The following FBXL19 variants were observed in gnomAD, a reference collection of about 807,000 sequenced individuals.
FBXL19 encodes the protein F-box/LRR-repeat protein 19.
FBXL19 carries 16 observed loss-of-function variants against 71.2 expected under a neutral mutation model. That is an observed-to-expected ratio of 0.22 (90% CI 0.15 to 0.34). The LOEUF (loss-of-function observed/expected upper bound fraction) is 0.34. Among genes scored for constraint, FBXL19 ranks in the 10% least tolerant of loss-of-function variants. The pLI, the probability that FBXL19 is intolerant of heterozygous loss-of-function variation, is 1.00. For synonymous variants in FBXL19, 447 were observed against 409.4 expected, an observed-to-expected ratio of 1.09 and a Z score of -1.11; for missense variants, 658 against 968.2, an observed-to-expected ratio of 0.68 and a Z score of 4.25.
In FBXL19 at chr16:30,923,996, T is replaced by TG. The variant is rs1278301017; in HGVS notation, c.-480dup. 2.1e-4 allele frequency: 19 copies of TG among 91,900 alleles called. No homozygotes were observed. The highest frequency in any genetic ancestry group is 3.9e-4 in the South Asian group (1 of 2,540). 5.7% of individuals were successfully genotyped at this position (91,900 alleles called of 1,614,324 possible). On this transcript the variant is annotated 5_prime_UTR_variant, in exon 1 of 11. Transcript: ENST00000338343. ...GGGCGGGCTTGAACCCCGGAAACGG[T>TG]GGGGGGGGCCCAGGCCTGGCACTGG...
chr16:30,947,502 T>G lies in FBXL19; in HGVS notation c.*272T>G. 2.3e-6 allele frequency: 1 copy of G among 434,082 alleles called. No individual in the cohort carries two copies. Among genetic ancestry groups the G allele is most frequent in the East Asian group, 4.4e-5 (1 of 22,832 alleles). 26.9% of individuals were successfully genotyped at this position (434,082 alleles called of 1,614,324 possible). ...GTGGGTCAGAGGTACTGGAGGGTGC[T>G]GAGCCGAAGGGACGGTGGGAGGGGG... On this transcript the variant is annotated 3_prime_UTR_variant, in exon 11 of 11. Coordinates refer to ENST00000338343, the MANE Select transcript of FBXL19 (RefSeq NM_001382779.1).
chr16:30,928,286 A>AGATG (rs1419018385), intron 5 of FBXL19, among the ~76,000 whole-genome samples, 181 bp from the exon 6 acceptor site: 1 of 151,620 alleles, frequency 6.6e-6, no homozygotes, highest in African/African-American at 2.4e-5. Flanking sequence ...AGGAAAGAGG[A>AGATG]GATGGAGCAT....
In FBXL19 at chr16:30,927,802, T is replaced by C. The variant is rs749574753; in HGVS notation, c.466T>C (p.Leu156=). 6 of 1,552,402 alleles carry C rather than the reference T, an allele frequency of 3.9e-6. No individual in the cohort carries two copies. The highest frequency in any genetic ancestry group is 4.4e-6 in the Non-Finnish European group (5 of 1,148,624). ...CGACAACGGCGAGGAGGGCGCCAGCTTGGGGAGCGGATGGAAGCTGACAGA... is the reference window on the plus strand; with the variant it reads ...CGACAACGGCGAGGAGGGCGCCAGCCTGGGGAGCGGATGGAAGCTGACAGA... ...RADNGEEGAS[L]GSGWKLTEEP... The change falls in exon 5 of 11, where the codon TTG becomes CTG. Residue 156 remains leucine, a synonymous_variant. Transcript: ENST00000338343.
At chr16:30,935,045 A>C (rs947096568) in intron 7 of FBXL19, among the ~76,000 whole-genome samples, 2 of 152,160 alleles carry the variant, frequency 1.3e-5, no homozygotes, top group African/African-American at 4.8e-5. Context: ...GAATGTGGTA[A>C]GCCAAGGAGG....
chr16:30,939,915 T>G (rs1046061130), intron 7 of FBXL19, among the ~76,000 whole-genome samples: 4 of 151,946 alleles, frequency 2.6e-5, no homozygotes, highest in African/African-American at 9.6e-5. Flanking sequence ...AAGGATCGCT[T>G]GAGCTCAGGA....
Position 30,926,023 on chromosome 16 carries a change from T to C in FBXL19, c.177+92T>C, listed in dbSNP as rs1230311314. 5.9e-6 allele frequency: 8 copies of C among 1,350,018 alleles called. No individual in the cohort carries two copies. In the African/African-American group the frequency reaches 1.1e-4, roughly 18 times the overall value. The allele number at this position is 1,350,018 out of a possible 1,614,324, so 83.6% of individuals were successfully genotyped here. ...CTGCCTCCCAGCCTGTACTGTGGAGTGGCTGTTTGTTCACTCGTTCATTTC... is the reference window on the plus strand; with the variant it reads ...CTGCCTCCCAGCCTGTACTGTGGAGCGGCTGTTTGTTCACTCGTTCATTTC... On this transcript the variant is annotated intron_variant, in intron 2 of 10. Coordinates refer to ENST00000338343, the MANE Select transcript of FBXL19 (RefSeq NM_001382779.1).
chr16:30,924,551 C>T, intron 1 of FBXL19, 92 bp downstream of exon 1: 1 of 1,308,788 alleles, frequency 7.6e-7, no homozygotes, highest in Non-Finnish European at 9.7e-7. Flanking sequence ...TTCCCCGCCC[C>T]CAGCCTCACC....
At position 30,942,007 on chromosome 16, in the gene FBXL19, G is replaced by C; in HGVS notation, c.1302-109G>C. The C allele has an allele frequency of 2.4e-6, 3 of 1,260,210 alleles. No homozygotes were observed. The highest frequency in any genetic ancestry group is 3.1e-6 in the Non-Finnish European group (3 of 952,700). The allele number at this position is 1,260,210 out of a possible 1,614,324, so 78.1% of individuals were successfully genotyped here. ...GGTGCTTCTTGCTACCCTGTTGTCT[G>C]TGTGGCCAGAAGAGAGCTGGGGTGC... On this transcript the variant is annotated intron_variant, in intron 7 of 10. Transcript: ENST00000338343. The surrounding 1 kb of genome is among the most constrained non-coding windows in gnomAD (Gnocchi z 5.7).
At chr16:30,928,359 G>C in intron 5 of FBXL19, 108 bp from the exon 6 acceptor site, 1 of 1,204,736 alleles carries the variant, frequency 8.3e-7, no homozygotes, top group Non-Finnish European at 1.1e-6. Flanking sequence ...TGGGACGGGG[G>C]CTTCTGGGAC....
chr16:30,947,854 G>C lies in FBXL19; in HGVS notation c.*624G>C, dbSNP rs1482505730. The C allele has an allele frequency of 8.8e-6, 4 of 453,428 alleles. No homozygotes were observed. Among genetic ancestry groups the C allele is most frequent in the Non-Finnish European group, 1.8e-5 (4 of 225,454 alleles). 28.1% of individuals were successfully genotyped at this position (453,428 alleles called of 1,614,324 possible). On this transcript the variant is annotated 3_prime_UTR_variant, in exon 11 of 11. Transcript: ENST00000338343. ...CTGCTTCCCCCCTCCCCAGGCTTCA[G>C]TTCCTTCCCCCTGACCCTGACTCCT... is the stretch of plus-strand genomic sequence containing the variant.
intron 2 of FBXL19, among the ~76,000 whole-genome samples, chr16:30,926,873 T>C (rs2055598168): frequency 6.6e-6 from 1 of 152,116 alleles, no homozygotes; most frequent in Non-Finnish European, 1.5e-5. Context: ...CATTGTGGGA[T>C]TCAGAGCAAC....
At chr16:30,928,385 A>C in intron 5 of FBXL19, 82 bp from the exon 6 acceptor site, 1 of 1,354,964 alleles carries the variant, frequency 7.4e-7, no homozygotes, top group Non-Finnish European at 9.8e-7. Flanking sequence ...GTCTAAGAGG[A>C]GGGCATGGAC....
rs897533286 is a variant in FBXL19 at position 30,925,943 on chromosome 16, C to T, written c.177+12C>T. 6.8e-7 allele frequency: 1 copy of T among 1,477,270 alleles called. No individual in the cohort carries two copies. Among genetic ancestry groups the T allele is most frequent in the Non-Finnish European group, 8.9e-7 (1 of 1,118,732 alleles). The allele number at this position is 1,477,270 out of a possible 1,614,324, so 91.5% of individuals were successfully genotyped here. ...GGCAGTGCACTGCCGTGAGTTCTGC[C>T]CCCACCTTTGGGCTCTGCCCACCCT... On this transcript the variant is annotated intron_variant, in intron 2 of 10. Transcript: ENST00000338343. The surrounding 1 kb of genome is among the most constrained non-coding windows in gnomAD (Gnocchi z 5.0).
In FBXL19 at chr16:30,927,439, C is replaced by T. The variant is rs373327143; in HGVS notation, c.309C>T (p.Pro103=). 32 of 1,589,580 alleles carry T rather than the reference C, an allele frequency of 2.0e-5. No homozygotes were observed. Among genetic ancestry groups the T allele is most frequent in the East Asian group, 9.1e-5 (4 of 43,744 alleles). ...ECTICNEIVH[P]GCLKMGKAEG... ...CAATCTGCAACGAGATCGTCCACCC[C>T]GGCTGCCTGAAGGTGATGGCCCTGG... is the stretch of plus-strand genomic sequence containing the variant. The change falls in exon 3 of 11, where the codon CCC becomes CCT. Residue 103 remains proline, a synonymous_variant. Transcript: ENST00000338343.
chr16:30,933,044 A>G (rs2055692863), intron 7 of FBXL19, among the ~76,000 whole-genome samples: 1 of 151,416 alleles, frequency 6.6e-6, no homozygotes, highest in Non-Finnish European at 1.5e-5. Flanking sequence ...TCTGTCACCC[A>G]GGCTGGAGTG....
chr16:30,927,730 T>C lies in FBXL19; in HGVS notation c.409-15T>C. The C allele has an allele frequency of 1.3e-6, 2 of 1,556,408 alleles. No homozygotes were observed. The highest frequency in any genetic ancestry group is 2.7e-5 in the African/African-American group (2 of 73,434). ...AGCTGTGCAGGTCCTCACCCCCAGC[T>C]TCTGTCCCGCCTAGGATTCAGGTGA... On this transcript the variant is annotated splice_polypyrimidine_tract_variant and intron_variant, in intron 4 of 10. Transcript: ENST00000338343.
chr16:30,946,864 G>A lies in FBXL19; in HGVS notation c.1762G>A (p.Ala588Thr), dbSNP rs770828332. The change falls in exon 10 of 11, where the codon GCC (alanine) becomes ACC (threonine). Residue 588 changes from alanine to threonine, a missense_variant. Physicochemically the swap from Ala to Thr is moderately conservative, Grantham distance 58. This residue lies in a region of FBXL19 where 69 missense variants were observed against 177.8 expected (regional missense o/e 0.39). Coordinates refer to ENST00000338343, the MANE Select transcript of FBXL19 (RefSeq NM_001382779.1). This position sits in a 1 kb window ranked among gnomAD's most constrained non-coding sequence, Gnocchi z 6.7. ...GAGCGCCCTGGACCTGAGCCACTGC[G>A]CCCACGTCGGGGACCCCAGTGTTCA... ...QLSALDLSHC[A>T]HVGDPSVHLL... 1.2e-5 allele frequency: 20 copies of A among 1,611,362 alleles called. No individual in the cohort carries two copies. Among genetic ancestry groups the A allele is most frequent in the South Asian group, 3.3e-5 (3 of 90,758 alleles).
chr16:30,940,811 C>T (rs1404399150), intron 7 of FBXL19, among the ~76,000 whole-genome samples: 2 of 152,024 alleles, frequency 1.3e-5, no homozygotes, highest in African/African-American at 4.8e-5. Context: ...GGATTACAGG[C>T]GCCCGCCACC....
Position 30,946,637 on chromosome 16 carries a change from T to C in FBXL19, c.1628-93T>C. ...CACAGAGTGCACCAGGTCACTCACT[T>C]ATGTGGGAAGCAGGTGGAGGGCAGA... On this transcript the variant is annotated intron_variant, in intron 9 of 10. Coordinates refer to ENST00000338343, the MANE Select transcript of FBXL19 (RefSeq NM_001382779.1). The surrounding 1 kb of genome is among the most constrained non-coding windows in gnomAD (Gnocchi z 6.7). The C allele has an allele frequency of 8.0e-7, 1 of 1,246,536 alleles. No homozygotes were observed. The highest frequency in any genetic ancestry group is 1.5e-5 in the African/African-American group (1 of 67,584). 77.2% of individuals were successfully genotyped at this position (1,246,536 alleles called of 1,614,324 possible).
Sources: gnomAD v4.1 joint callset for allele counts (sites outside exome capture counted in the v4.1 genomes callset) on GRCh38, gnomAD v4.1.1 for gene constraint, gnomAD v4.1.1 regional missense constraint, Gnocchi (gnomAD v3.1) non-coding constraint, MANE v1.5 for transcripts, NCBI Gene and HGNC (gene_info 2026-07-23, HGNC 2026-07-21) for gene names.